Variants in REDIC1 observed in about 807,000 individuals in gnomAD.
The protein encoded by REDIC1 is HEI10 Interacting Protein 1.
chr12:39,706,468 A>G, the REDIC1 span, among the ~76,000 whole-genome samples: 1 of 152,084 alleles, frequency 6.6e-6, no homozygotes, highest in Non-Finnish European at 1.5e-5. Flanking sequence ...CAAAATGTAT[A>G]TGGAACCATA....
At chr12:39,631,820 G>A in the REDIC1 span, among the ~76,000 whole-genome samples, 33 of 152,156 alleles carry the variant, frequency 2.2e-4, no homozygotes, top group African/African-American at 7.7e-4. Flanking sequence ...AACATTGCAG[G>A]CAATTTTATG....
At chr12:39,826,242 GTC>G in the REDIC1 span, among the ~76,000 whole-genome samples, 3 of 151,724 alleles carry the variant, frequency 2.0e-5, no homozygotes, top group Non-Finnish European at 4.4e-5. Flanking sequence ...TTTCTAAATA[GTC>G]TCTGCTTGTT....
the REDIC1 span, among the ~76,000 whole-genome samples, chr12:39,862,144 T>C: frequency 6.6e-6 from 1 of 152,224 alleles, no homozygotes; most frequent in Non-Finnish European, 1.5e-5. Flanking sequence ...GAGAATTGAA[T>C]CAGGCCTTGG....
the REDIC1 span, among the ~76,000 whole-genome samples, chr12:39,710,979 C>T: frequency 8.0e-5 from 12 of 150,852 alleles, no homozygotes; most frequent in East Asian, 3.9e-4. Context: ...TTTGTGAGAC[C>T]GGTGCACCCA....
the REDIC1 span, among the ~76,000 whole-genome samples, chr12:39,842,164 T>C: frequency 6.6e-6 from 1 of 152,046 alleles, no homozygotes; most frequent in East Asian, 1.9e-4. Flanking sequence ...GGAAGTTTAT[T>C]TAAAGGAAAG....
the REDIC1 span, chr12:39,864,726 G>GTCA: frequency 6.2e-7 from 1 of 1,607,080 alleles, no homozygotes; most frequent in South Asian, 1.1e-5. Flanking sequence ...AGTTACCAGA[G>GTCA]TCATGTAAAG....
chr12:39,725,672 T>C, the REDIC1 span, among the ~76,000 whole-genome samples: 1 of 151,968 alleles, frequency 6.6e-6, no homozygotes, highest in East Asian at 1.9e-4. Flanking sequence ...GTCATGCACA[T>C]TTTAAAATCA....
At chr12:39,830,185 A>G in the REDIC1 span, 1 of 1,613,716 alleles carries the variant, frequency 6.2e-7, no homozygotes, top group Non-Finnish European at 8.5e-7. Context: ...TTCATCTTGT[A>G]GCAGAAACCG....
the REDIC1 span, among the ~76,000 whole-genome samples, chr12:39,849,119 T>C: frequency 2.0e-5 from 3 of 152,082 alleles, no homozygotes; most frequent in Non-Finnish European, 4.4e-5. Flanking sequence ...AACAAGCCCC[T>C]GTGACATGTT....
At chr12:39,745,258 G>A in the REDIC1 span, among the ~76,000 whole-genome samples, 1 of 152,122 alleles carries the variant, frequency 6.6e-6, no homozygotes, top group Non-Finnish European at 1.5e-5. Context: ...CATAACCAGT[G>A]ACCCTGCAGG....
the REDIC1 span, among the ~76,000 whole-genome samples, chr12:39,714,763 G>C: frequency 6.6e-6 from 1 of 151,846 alleles, no homozygotes; most frequent in East Asian, 1.9e-4. Flanking sequence ...ATTCTTGCAG[G>C]AGTAAGGTGG....
At chr12:39,902,002 C>G in the REDIC1 span, among the ~76,000 whole-genome samples, 1 of 152,074 alleles carries the variant, frequency 6.6e-6, no homozygotes, top group East Asian at 1.9e-4. Flanking sequence ...CCATGGAATA[C>G]TATGCAGCCA....
chr12:39,902,387 C>T, the REDIC1 span, among the ~76,000 whole-genome samples: 2 of 151,632 alleles, frequency 1.3e-5, no homozygotes, highest in Non-Finnish European at 2.9e-5. Flanking sequence ...AAGATATGTA[C>T]ATACACATGA....
At chr12:39,681,114 A>G in the REDIC1 span, among the ~76,000 whole-genome samples, 2 of 152,052 alleles carry the variant, frequency 1.3e-5, no homozygotes, top group Non-Finnish European at 2.9e-5. Context: ...TCTACTAAAA[A>G]CACAAAAGTC....
chr12:39,680,929 G>A, the REDIC1 span, among the ~76,000 whole-genome samples: 7 of 152,112 alleles, frequency 4.6e-5, no homozygotes, highest in African/African-American at 7.2e-5. Flanking sequence ...ACATTGTTAC[G>A]TTCTTACTTA....
the REDIC1 span, among the ~76,000 whole-genome samples, chr12:39,723,881 T>A: frequency 6.6e-6 from 1 of 152,146 alleles, no homozygotes; most frequent in African/African-American, 2.4e-5. Context: ...TTTAAAGCAC[T>A]TATAACAATT....
At chr12:39,830,593 G>T in the REDIC1 span, 4 of 501,520 alleles carry the variant, frequency 8.0e-6, no homozygotes, top group Non-Finnish European at 1.0e-5. Context: ...GCCCTGACTG[G>T]TTCCAAGTTG....
At chr12:39,887,147 T>C in the REDIC1 span, among the ~76,000 whole-genome samples, 4 of 152,224 alleles carry the variant, frequency 2.6e-5, no homozygotes, top group African/African-American at 9.6e-5. Flanking sequence ...TTTAACACTT[T>C]AAATTTTTTT....
At chr12:39,829,392 CTTTTTTT>C in the REDIC1 span, 5 of 65,798 alleles carry the variant, frequency 7.6e-5, no homozygotes, top group South Asian at 1.2e-3. Context: ...GATAGTAATT[CTTTTTTT>C]TTTTTTTTTT....
Sources: allele counts gnomAD v4.1 joint callset (sites outside exome capture counted in the v4.1 genomes callset), GRCh38; gene constraint gnomAD v4.1.1; transcripts MANE v1.5; gene names NCBI Gene and HGNC (gene_info 2026-07-23, HGNC 2026-07-21).